The following MARCHF1 variants were observed in gnomAD, a reference collection of about 807,000 sequenced individuals.
MARCHF1 encodes membrane associated ring-CH-type finger 1.
MARCHF1 carries 40 observed loss-of-function variants against 54.2 expected under a neutral mutation model. That is an observed-to-expected ratio of 0.74 (90% CI 0.57 to 0.96). The LOEUF is 0.96. Ranked by LOEUF, MARCHF1 falls within the 40% of genes least tolerant of loss-of-function variation. The probability of loss-of-function intolerance (pLI) is 0.00; values close to 1 mark genes in which losing one functional copy is unlikely to be tolerated. For missense variants in MARCHF1, 586 were observed against 656.5 expected (o/e 0.89, Z 1.17); for synonymous variants, 236 against 236.3 (o/e 1.00, Z 0.01).
At chr4:163,678,734 T>C (rs972060157) in intron 5 of MARCHF1, among the ~76,000 whole-genome samples, 2 of 152,218 alleles carry the variant, frequency 1.3e-5, no homozygotes, top group African/African-American at 4.8e-5. Context: ...CTTGTATTTT[T>C]CTACATTTTC....
At chr4:164,076,241 A>C (rs1754977709) in intron 2 of MARCHF1, among the ~76,000 whole-genome samples, 1 of 152,204 alleles carries the variant, frequency 6.6e-6, no homozygotes, top group Non-Finnish European at 1.5e-5. Flanking sequence ...CAATGAACAA[A>C]AAATAAAAAA....
chr4:163,623,975 C>G (rs1166365494), intron 5 of MARCHF1, among the ~76,000 whole-genome samples: 2 of 152,106 alleles, frequency 1.3e-5, no homozygotes, highest in African/African-American at 4.8e-5. Flanking sequence ...ATCAGGCATA[C>G]CAGGCATACC....
rs57493416 is a variant in MARCHF1 at position 163,682,067 on chromosome 4, G to A, written c.162+18746C>T. ...TAGTGATATGGACAATGAAATCCAGGCTGAGCTGGTCTCAGATGGAGATGA... is the reference window on the plus strand; with the variant it reads ...TAGTGATATGGACAATGAAATCCAGACTGAGCTGGTCTCAGATGGAGATGA... On this transcript the variant is annotated intron_variant, in intron 5 of 9. Coordinates refer to ENST00000514618, the MANE Select transcript of MARCHF1 (RefSeq NM_001394959.1). Among the ~76,000 whole-genome samples the A allele has an allele frequency of 1.4e-4, 21 of 152,310 alleles. 2 individuals carry two copies. The East Asian group carries it at 3.3e-3, about 24-fold the overall frequency.
At chr4:163,790,682 C>T (rs1038773212) in intron 4 of MARCHF1, among the ~76,000 whole-genome samples, 4 of 152,048 alleles carry the variant, frequency 2.6e-5, no homozygotes, top group Non-Finnish European at 5.9e-5. Flanking sequence ...ACTTTAATAG[C>T]CCAGATGAAC....
At chr4:163,753,679 G>GT (rs758798773) in intron 4 of MARCHF1, among the ~76,000 whole-genome samples, 88 of 152,238 alleles carry the variant, frequency 5.8e-4, no homozygotes, top group Non-Finnish European at 6.3e-4. Context: ...AAGTAACACT[G>GT]TTTTAATATT....
In MARCHF1 at chr4:164,190,727, C is replaced by A. The variant is rs191139421; in HGVS notation, c.-322-79065G>T. On this transcript the variant is annotated intron_variant, in intron 1 of 9. Transcript: ENST00000514618. ...CCCAAAGGAAAAATTTTTAGAGAGA[C>A]TATCTGAGAATGTCCAACTTTTGAC... Among the ~76,000 whole-genome samples the A allele has an allele frequency of 4.6e-3, 697 of 152,250 alleles. 7 individuals are homozygous for A. The highest frequency in any genetic ancestry group is 0.016 in the African/African-American group (671 of 41,536).
intron 4 of MARCHF1, among the ~76,000 whole-genome samples, chr4:163,773,420 T>C (rs1444275523): frequency 2.0e-5 from 3 of 152,204 alleles, no homozygotes; most frequent in Non-Finnish European, 4.4e-5. Context: ...GGATTTTAAA[T>C]AGATGGATGA....
chr4:163,782,486 T>C (rs981850728), intron 4 of MARCHF1, among the ~76,000 whole-genome samples: 5 of 151,584 alleles, frequency 3.3e-5, no homozygotes, highest in Non-Finnish European at 7.4e-5. Flanking sequence ...GCCTGGCCAA[T>C]ATAGTGAAAC....
intron 3 of MARCHF1, among the ~76,000 whole-genome samples, chr4:163,939,575 T>C (rs564175795): frequency 6.6e-6 from 1 of 152,322 alleles, no homozygotes; most frequent in African/African-American, 2.4e-5. Context: ...GCCATCAGTT[T>C]ACCAACTCTG....
At chr4:164,257,533 TATAAG>T (rs1301677972) in intron 1 of MARCHF1, among the ~76,000 whole-genome samples, 2 of 151,856 alleles carry the variant, frequency 1.3e-5, no homozygotes, top group African/African-American at 4.8e-5. Flanking sequence ...ATTAACTAGC[TATAAG>T]ATAAATTTCT....
At chr4:164,241,883 T>A (rs1005673108) in intron 1 of MARCHF1, among the ~76,000 whole-genome samples, 1 of 151,960 alleles carries the variant, frequency 6.6e-6, no homozygotes, top group Non-Finnish European at 1.5e-5. Flanking sequence ...ACCTGGAAAA[T>A]CAGGTCACTC....
At chr4:164,094,646 T>C (rs1383600737) in intron 2 of MARCHF1, among the ~76,000 whole-genome samples, 2 of 152,060 alleles carry the variant, frequency 1.3e-5, no homozygotes, top group African/African-American at 4.8e-5. Flanking sequence ...CTGACAAATA[T>C]TACACAAATA....
intron 8 of MARCHF1, among the ~76,000 whole-genome samples, chr4:163,573,016 T>G: frequency 6.6e-6 from 1 of 152,124 alleles, no homozygotes; most frequent in East Asian, 1.9e-4. Context: ...TACCTGATGG[T>G]GCCATTCAGA....
intron 1 of MARCHF1, among the ~76,000 whole-genome samples, chr4:164,258,912 T>C (rs1168793643): frequency 3.9e-5 from 6 of 152,176 alleles, no homozygotes; most frequent in East Asian, 1.9e-4. Context: ...TCAGTACTTA[T>C]GTATCAACAA....
At chr4:163,586,187 A>C (rs1740406687) in intron 7 of MARCHF1, among the ~76,000 whole-genome samples, 1 of 152,196 alleles carries the variant, frequency 6.6e-6, no homozygotes, top group African/African-American at 2.4e-5. Flanking sequence ...TGTGAGTAGA[A>C]AATTCCATTT....
At chr4:163,649,009 T>C (rs1012033841) in intron 5 of MARCHF1, among the ~76,000 whole-genome samples, 1 of 152,074 alleles carries the variant, frequency 6.6e-6, no homozygotes, top group Non-Finnish European at 1.5e-5. Context: ...AAAATAATCA[T>C]GGTTGTTGAA....
chr4:163,724,560 G>T (rs1211358449), intron 4 of MARCHF1, among the ~76,000 whole-genome samples: 1 of 152,180 alleles, frequency 6.6e-6, no homozygotes, highest in Admixed American at 6.5e-5. Context: ...ATTTAAGTAT[G>T]CAGAGGTTTC....
chr4:163,858,192 T>C (rs1472695135), intron 3 of MARCHF1, among the ~76,000 whole-genome samples: 1 of 152,044 alleles, frequency 6.6e-6, no homozygotes, highest in Non-Finnish European at 1.5e-5. Context: ...ATGAGCATGG[T>C]ACGCCTAGAA....
chr4:163,613,342 C>A lies in MARCHF1; in HGVS notation c.214G>T (p.Val72Phe), dbSNP rs1420886219. ...CAGATGTCCTGAGTGGATGGACAGACAGACAACCTTGACTGGCTCCTGGGA... is the reference window on the plus strand; with the variant it reads ...CAGATGTCCTGAGTGGATGGACAGAAAGACAACCTTGACTGGCTCCTGGGA... ...TAPRSQSRLS[V>F]CPSTQDICRS... The change falls in exon 6 of 10, where the codon GTC (valine) becomes TTC (phenylalanine). Residue 72 changes from valine to phenylalanine, a missense_variant. Val to Phe is a conservative substitution (Grantham distance 50). Transcript: ENST00000514618. The A allele has an allele frequency of 6.2e-7, 1 of 1,612,866 alleles. No homozygotes were observed. Among genetic ancestry groups the A allele is most frequent in the South Asian group, 1.1e-5 (1 of 90,926 alleles).
Sources: allele counts gnomAD v4.1 joint callset (sites outside exome capture counted in the v4.1 genomes callset), GRCh38; gene constraint gnomAD v4.1.1; transcripts MANE v1.5; gene names NCBI Gene and HGNC (gene_info 2026-07-23, HGNC 2026-07-21).